PTPRM: variants seen among roughly 807,000 people sequenced by gnomAD.
PTPRM encodes the protein receptor-type tyrosine-protein phosphatase mu.
A neutral mutation model predicts 186.7 loss-of-function variants in PTPRM; 47 were observed. That is an observed-to-expected ratio of 0.25 (90% CI 0.20 to 0.32). The LOEUF (loss-of-function observed/expected upper bound fraction) is 0.32. Ranked by LOEUF, PTPRM falls within the 10% of genes least tolerant of loss-of-function variation. PTPRM has a pLI of 1.00. For missense variants in PTPRM, 1,494 were observed against 1,865.0 expected (o/e 0.80, Z 3.66); for synonymous variants, 668 against 674.9 (o/e 0.99, Z 0.16).
At chr18:7,694,792 A>C (rs2039809183) in intron 1 of PTPRM, among the ~76,000 whole-genome samples, 1 of 152,180 alleles carries the variant, frequency 6.6e-6, no homozygotes, top group Non-Finnish European at 1.5e-5. Context: ...GGGTGAATGT[A>C]TTCATGAAAC....
chr18:8,024,894 G>A (rs1293987689), intron 7 of PTPRM, among the ~76,000 whole-genome samples: 1 of 151,796 alleles, frequency 6.6e-6, no homozygotes, highest in East Asian at 1.9e-4. Flanking sequence ...ATGTTGCCCA[G>A]GCTTGTCTGG....
intron 1 of PTPRM, among the ~76,000 whole-genome samples, chr18:7,771,161 C>A (rs1274640819): frequency 6.6e-6 from 1 of 152,086 alleles, no homozygotes; most frequent in African/African-American, 2.4e-5. Context: ...GGGTCTGTAG[C>A]CAGCCTTAAG....
At chr18:8,126,027 A>ATATATATATATATATTTTT (rs57751538) in intron 13 of PTPRM, among the ~76,000 whole-genome samples, 1 of 69,536 alleles carries the variant, frequency 1.4e-5, no homozygotes, top group Non-Finnish European at 2.8e-5. Context: ...ATATATATAT[A>ATATATATATATATATTTTT]TTTTAAATCA....
chr18:8,361,732 G>T lies in PTPRM; in HGVS notation c.3055-9158G>T, dbSNP rs146049514. On this transcript the variant is annotated intron_variant, in intron 23 of 32. Coordinates refer to ENST00000580170, the MANE Select transcript of PTPRM (RefSeq NM_001105244.2). ...AGTAAGGAAACTGAGTACTAGAATGGTTCAGTGACTTGCACAAGATCACAG... is the reference window on the plus strand; with the variant it reads ...AGTAAGGAAACTGAGTACTAGAATGTTTCAGTGACTTGCACAAGATCACAG... 2.4e-3 allele frequency among the ~76,000 whole-genome samples: 371 copies of T among 152,222 alleles called. 1 individual carries two copies. Among genetic ancestry groups the T allele is most frequent in the African/African-American group, 8.7e-3 (363 of 41,530 alleles).
chr18:8,047,483 A>G (rs949711050), intron 7 of PTPRM, among the ~76,000 whole-genome samples: 2 of 152,234 alleles, frequency 1.3e-5, no homozygotes, highest in Middle Eastern at 3.2e-3. Context: ...AAAAGAAGAT[A>G]GCACCAAAGA....
Position 7,568,465 on chromosome 18 carries a change from G to A in PTPRM, c.73+574G>A, listed in dbSNP as rs563026037. Among the ~76,000 whole-genome samples the A allele has an allele frequency of 3.3e-5, 5 of 151,958 alleles. No individual in the cohort carries two copies. The South Asian group carries it at 1.0e-3, about 31-fold the overall frequency. Reference sequence around the variant, plus strand: ...GCGACCCCGGGAGGTCCCCGCGGTCGTGCAGCGTCTGCGGAGAGGCTGGGG... The same window carrying A: ...GCGACCCCGGGAGGTCCCCGCGGTCATGCAGCGTCTGCGGAGAGGCTGGGG... On this transcript the variant is annotated intron_variant, in intron 1 of 32. Coordinates refer to ENST00000580170, the MANE Select transcript of PTPRM (RefSeq NM_001105244.2). The surrounding 1 kb of genome is among the most constrained non-coding windows in gnomAD (Gnocchi z 5.1).
intron 2 of PTPRM, among the ~76,000 whole-genome samples, chr18:7,779,135 A>G (rs762072673): frequency 6.6e-6 from 1 of 152,198 alleles, no homozygotes; most frequent in Non-Finnish European, 1.5e-5. Flanking sequence ...AATCATAGCT[A>G]TAACCGTAGC....
chr18:7,653,458 C>G (rs985670326), intron 1 of PTPRM, among the ~76,000 whole-genome samples: 1 of 152,118 alleles, frequency 6.6e-6, no homozygotes, highest in Non-Finnish European at 1.5e-5. Context: ...CTGATCCTCT[C>G]CCTCCTCCCA....
chr18:7,794,603 A>T (rs2043518782), intron 2 of PTPRM, among the ~76,000 whole-genome samples: 1 of 152,214 alleles, frequency 6.6e-6, no homozygotes, highest in Non-Finnish European at 1.5e-5. Flanking sequence ...CTTATGAGTA[A>T]GATTAAAAGT....
chr18:8,185,169 A>T (rs1005904245), intron 14 of PTPRM, among the ~76,000 whole-genome samples: 1 of 152,218 alleles, frequency 6.6e-6, no homozygotes, highest in Non-Finnish European at 1.5e-5. Flanking sequence ...AAAAAATAAA[A>T]AAAAAAGATA....
intron 11 of PTPRM, among the ~76,000 whole-genome samples, chr18:8,095,209 C>G (rs2090955408): frequency 6.6e-6 from 1 of 152,032 alleles, no homozygotes; most frequent in Non-Finnish European, 1.5e-5. Context: ...GAACCAGTGG[C>G]CTGACCAGGG....
At chr18:7,876,876 T>C (rs1038915363) in intron 2 of PTPRM, among the ~76,000 whole-genome samples, 5 of 152,212 alleles carry the variant, frequency 3.3e-5, no homozygotes, top group Non-Finnish European at 2.9e-5. Flanking sequence ...CCAGAGCACA[T>C]TTCCCTGAGG....
At chr18:8,016,780 G>C (rs1039080382) in intron 7 of PTPRM, among the ~76,000 whole-genome samples, 3 of 152,072 alleles carry the variant, frequency 2.0e-5, no homozygotes, top group African/African-American at 7.2e-5. Flanking sequence ...TAGAAATGCG[G>C]CATTCATTTT....
chr18:7,688,705 G>A (rs2039665950), intron 1 of PTPRM, among the ~76,000 whole-genome samples: 1 of 152,172 alleles, frequency 6.6e-6, no homozygotes. Flanking sequence ...TTCCCCTTCT[G>A]GCATCTCTCA....
chr18:7,743,323 A>C (rs2040920576), intron 1 of PTPRM, among the ~76,000 whole-genome samples: 1 of 152,362 alleles, frequency 6.6e-6, no homozygotes, highest in Non-Finnish European at 1.5e-5. Flanking sequence ...GCTACAGTGT[A>C]TCATGTTACA....
At chr18:7,951,414 C>A (rs1181279922) in intron 6 of PTPRM, among the ~76,000 whole-genome samples, 1 of 152,118 alleles carries the variant, frequency 6.6e-6, no homozygotes, top group Non-Finnish European at 1.5e-5. Context: ...TAGTGGGATG[C>A]AAATCTAGTA....
Position 8,143,661 on chromosome 18 carries a change from A to C in PTPRM, c.2182A>C (p.Lys728Gln). Residue 728 changes from lysine (K) to glutamine (Q), a missense_variant, in exon 14 of 33, where the codon AAA (lysine) becomes CAA (glutamine). This residue lies in a region of PTPRM where 1,107 missense variants were observed against 1,350.2 expected (regional missense o/e 0.82). Coordinates refer to ENST00000580170, the MANE Select transcript of PTPRM (RefSeq NM_001105244.2). ...TTCATCTTCAGGAGCTGCCACTCCG[A>C]AACCAGTCCCAGAACCCGAGAAACA... is the stretch of plus-strand genomic sequence containing the variant. ...QVATKGAATP[K>Q]PVPEPEKQTD... The C allele has an allele frequency of 6.2e-7, 1 of 1,601,712 alleles. No homozygotes were observed. Among genetic ancestry groups the C allele is most frequent in the East Asian group, 2.2e-5 (1 of 44,812 alleles).
intron 1 of PTPRM, among the ~76,000 whole-genome samples, chr18:7,658,363 T>TATAC (rs1490051251): frequency 9.9e-5 from 14 of 142,102 alleles, no homozygotes; most frequent in African/African-American, 3.7e-4. Flanking sequence ...TATATATACA[T>TATAC]ACACACACAC....
Position 8,384,685 on chromosome 18 carries a change from G to A in PTPRM, c.4043G>A (p.Arg1348Lys), listed in dbSNP as rs1273693504. The part of the protein sequence containing the change: ...SRIFRIYNAA[R>K]PQDGYRMVQQ... Reference sequence around the variant, plus strand: ...ATATTCCGCATTTACAATGCCGCCAGAGTAAGAGACGGGCCTGTCATGCCT... The same window carrying A: ...ATATTCCGCATTTACAATGCCGCCAAAGTAAGAGACGGGCCTGTCATGCCT... The change falls in exon 30 of 33, where the codon AGA becomes AAA. Residue 1348 changes from arginine (R) to lysine (K), a missense_variant and splice_region_variant. This residue lies in a region of PTPRM where 1,107 missense variants were observed against 1,350.2 expected (regional missense o/e 0.82). Coordinates refer to ENST00000580170, the MANE Select transcript of PTPRM (RefSeq NM_001105244.2). 2 of 1,614,156 alleles carry A rather than the reference G, an allele frequency of 1.2e-6. No homozygotes were observed. The highest frequency in any genetic ancestry group is 2.7e-5 in the African/African-American group (2 of 75,052).
Sources: allele counts gnomAD v4.1 joint callset (sites outside exome capture counted in the v4.1 genomes callset), GRCh38; gene constraint gnomAD v4.1.1; regional missense constraint gnomAD v4.1.1; non-coding constraint Gnocchi (gnomAD v3.1); transcripts MANE v1.5; gene names NCBI Gene and HGNC (gene_info 2026-07-23, HGNC 2026-07-21).